PTPRM: variants seen among roughly 807,000 people sequenced by gnomAD.
PTPRM encodes receptor-type tyrosine-protein phosphatase mu.
PTPRM carries 47 observed loss-of-function variants against 186.7 expected under a neutral mutation model. The observed-to-expected ratio is 0.25, with a 90% CI of 0.20 to 0.32. The LOEUF (loss-of-function observed/expected upper bound fraction) is 0.32. PTPRM is among the 10% of genes least tolerant of loss of function. The pLI, the probability that PTPRM is intolerant of heterozygous loss-of-function variation, is 1.00. For missense variants in PTPRM, 1,494 were observed against 1,865.0 expected, an observed-to-expected ratio of 0.80 and a Z score of 3.66; for synonymous variants, 668 against 674.9, an observed-to-expected ratio of 0.99 and a Z score of 0.16.
At chr18:7,907,273 GC>G (rs1255888439) in intron 4 of PTPRM, among the ~76,000 whole-genome samples, 1 of 152,214 alleles carries the variant, frequency 6.6e-6, no homozygotes, top group African/African-American at 2.4e-5. Flanking sequence ...GCTGGTTGTT[GC>G]ACCTGTTATG....
intron 22 of PTPRM, among the ~76,000 whole-genome samples, chr18:8,322,778 T>C (rs1407104965): frequency 6.6e-6 from 1 of 152,132 alleles, no homozygotes; most frequent in African/African-American, 2.4e-5. Flanking sequence ...GCTGGCCTCA[T>C]GGTGGCAGCC....
chr18:7,659,139 C>T (rs1447027821), intron 1 of PTPRM, among the ~76,000 whole-genome samples: 1 of 151,804 alleles, frequency 6.6e-6, no homozygotes, highest in Non-Finnish European at 1.5e-5. Context: ...CACACACACA[C>T]ACACACACAC....
intron 17 of PTPRM, chr18:8,248,385 A>T (rs771597076): frequency 1.6e-6 from 1 of 643,634 alleles, no homozygotes; most frequent in East Asian, 2.9e-5. Context: ...TGCTGCATGT[A>T]TCTTGGGGAT....
intron 7 of PTPRM, among the ~76,000 whole-genome samples, chr18:8,048,041 A>G (rs1454387666): frequency 6.6e-6 from 1 of 152,200 alleles, no homozygotes; most frequent in Admixed American, 6.5e-5. Flanking sequence ...GAAAACAATG[A>G]AAAACATCTA....
At chr18:8,369,625 A>G (rs2095652116) in intron 23 of PTPRM, among the ~76,000 whole-genome samples, 1 of 152,178 alleles carries the variant, frequency 6.6e-6, no homozygotes, top group Non-Finnish European at 1.5e-5. Flanking sequence ...TGCTGGCAGG[A>G]CCTCCAAGGG....
chr18:7,962,451 C>T (rs2053745776), intron 7 of PTPRM, among the ~76,000 whole-genome samples: 1 of 152,120 alleles, frequency 6.6e-6, no homozygotes, highest in South Asian at 2.1e-4. Context: ...TGTAGTAGCA[C>T]ACCCTGTCTG....
chr18:7,705,279 T>TTATC (rs67662119), intron 1 of PTPRM, among the ~76,000 whole-genome samples: 18,121 of 146,480 alleles, frequency 0.12, 1,147 homozygotes, highest in Middle Eastern at 0.15. Flanking sequence ...AAATATCTAT[T>TTATC]TATCTATCTA....
intron 14 of PTPRM, among the ~76,000 whole-genome samples, chr18:8,156,093 C>T (rs562814215): frequency 8.5e-5 from 13 of 152,278 alleles, no homozygotes; most frequent in African/African-American, 2.9e-4. Context: ...TGCCGTCCTT[C>T]AGGTTTCCAG....
At chr18:7,846,062 G>A (rs535722053) in intron 2 of PTPRM, among the ~76,000 whole-genome samples, 15 of 152,172 alleles carry the variant, frequency 9.9e-5, no homozygotes, top group South Asian at 4.2e-4. Context: ...CATTTGATGC[G>A]GATTACCTCG....
intron 20 of PTPRM, among the ~76,000 whole-genome samples, chr18:8,302,342 A>C (rs1485633977): frequency 6.6e-6 from 1 of 152,106 alleles, no homozygotes; most frequent in Non-Finnish European, 1.5e-5. Context: ...TTGGGTCTGA[A>C]GAACTAAAGG....
intron 3 of PTPRM, among the ~76,000 whole-genome samples, chr18:7,905,827 T>C (rs975993349): frequency 6.6e-6 from 1 of 152,228 alleles, no homozygotes; most frequent in African/African-American, 2.4e-5. Context: ...TTTTCACTTG[T>C]GTAAATCTTA....
At chr18:7,732,538 CTGT>C (rs2144411373) in intron 1 of PTPRM, among the ~76,000 whole-genome samples, 1 of 152,086 alleles carries the variant, frequency 6.6e-6, no homozygotes, top group East Asian at 1.9e-4. Context: ...GGGTCTTGCT[CTGT>C]TGTTGCTCAG....
intron 32 of PTPRM, among the ~76,000 whole-genome samples, chr18:8,397,614 C>G (rs1013145328): frequency 5.9e-5 from 9 of 152,146 alleles, no homozygotes; most frequent in Non-Finnish European, 8.8e-5. Context: ...CCTCAAGTCC[C>G]CATCAAAGAA....
chr18:8,384,738 C>T, intron 30 of PTPRM, 52 bp downstream of exon 30: 1 of 1,603,262 alleles, frequency 6.2e-7, no homozygotes, highest in South Asian at 1.1e-5. Flanking sequence ...TATTTTCTCA[C>T]TCACTGAATA....
At chr18:7,884,902 C>T (rs375289685) in intron 2 of PTPRM, among the ~76,000 whole-genome samples, 11 of 108,554 alleles carry the variant, frequency 1.0e-4, no homozygotes, top group African/African-American at 4.1e-4. Flanking sequence ...CCAGCCTGGG[C>T]GACGAGAGCA....
intron 5 of PTPRM, among the ~76,000 whole-genome samples, chr18:7,936,585 C>T (rs1228956520): frequency 1.3e-5 from 2 of 152,180 alleles, no homozygotes; most frequent in Non-Finnish European, 2.9e-5. Flanking sequence ...TTGGCACTGG[C>T]CTGCAGGTGC....
intron 2 of PTPRM, among the ~76,000 whole-genome samples, chr18:7,832,552 T>C (rs1223345468): frequency 6.6e-6 from 1 of 152,208 alleles, no homozygotes; most frequent in Non-Finnish European, 1.5e-5. Flanking sequence ...TGCAAATATT[T>C]CCGATTCTGC....
chr18:8,111,060 C>G (rs1490709582), intron 11 of PTPRM, among the ~76,000 whole-genome samples: 1 of 152,166 alleles, frequency 6.6e-6, no homozygotes, highest in Non-Finnish European at 1.5e-5. Flanking sequence ...GTAGAATACC[C>G]TGGTAGAATG....
intron 14 of PTPRM, among the ~76,000 whole-genome samples, chr18:8,170,495 TAAAA>T (rs754885084): frequency 7.5e-6 from 1 of 133,460 alleles, no homozygotes; most frequent in Non-Finnish European, 1.6e-5. Context: ...GCTCAAGGGT[TAAAA>T]AAAAAAAAAA....
Sources: allele counts gnomAD v4.1 joint callset (sites outside exome capture counted in the v4.1 genomes callset), GRCh38; gene constraint gnomAD v4.1.1; transcripts MANE v1.5; gene names NCBI Gene and HGNC (gene_info 2026-07-23, HGNC 2026-07-21).